NEGR1: variants seen among roughly 807,000 people sequenced by gnomAD.
The protein encoded by NEGR1 is neuronal growth regulator 1.
NEGR1 carries 10 observed loss-of-function variants against 40.9 expected under a neutral mutation model. The observed-to-expected ratio is 0.24, with a 90% CI of 0.15 to 0.42. The LOEUF is 0.42. Among genes scored for constraint, NEGR1 ranks in the 10% least tolerant of loss-of-function variants. The pLI is 1.00. For missense variants in NEGR1, 352 were observed against 438.9 expected (o/e 0.80, Z 1.77); for synonymous variants, 185 against 166.8 (o/e 1.11, Z -0.84).
chr1:71,833,487 T>G (rs892531934), intron 2 of NEGR1, among the ~76,000 whole-genome samples: 2 of 151,182 alleles, frequency 1.3e-5, no homozygotes, highest in Non-Finnish European at 2.9e-5. Flanking sequence ...AGAATCTTTC[T>G]GGGGGGAAAA....
intron 1 of NEGR1, among the ~76,000 whole-genome samples, chr1:72,225,489 A>G (rs1360465815): frequency 6.6e-6 from 1 of 151,702 alleles, no homozygotes; most frequent in Non-Finnish European, 1.5e-5. Context: ...AAAAGGAATA[A>G]TGATTTTATG....
At chr1:71,913,833 A>G (rs902379456) in intron 2 of NEGR1, among the ~76,000 whole-genome samples, 2 of 150,104 alleles carry the variant, frequency 1.3e-5, no homozygotes, top group African/African-American at 4.9e-5. Flanking sequence ...TAGTAACACA[A>G]AGTGTTTCCT....
intron 6 of NEGR1, 96 bp downstream of exon 6, chr1:71,592,721 T>G: frequency 1.0e-6 from 1 of 955,826 alleles, no homozygotes; most frequent in South Asian, 1.9e-5. Flanking sequence ...AGGTTGAGTT[T>G]TAAAATGAAC....
At chr1:71,964,867 G>A (rs1398762745) in intron 1 of NEGR1, among the ~76,000 whole-genome samples, 1 of 151,916 alleles carries the variant, frequency 6.6e-6, no homozygotes, top group Admixed American at 6.6e-5. Flanking sequence ...AGGGTTATGG[G>A]TTTGGGAAAG....
chr1:71,618,069 AT>A (rs1220247341), intron 4 of NEGR1, among the ~76,000 whole-genome samples: 2 of 152,166 alleles, frequency 1.3e-5, no homozygotes, highest in Non-Finnish European at 2.9e-5. Context: ...CCAAACTGGA[AT>A]TATGGGGGCG....
chr1:72,078,126 T>G (rs992916060), intron 1 of NEGR1, among the ~76,000 whole-genome samples: 1 of 152,168 alleles, frequency 6.6e-6, no homozygotes, highest in Non-Finnish European at 1.5e-5. Flanking sequence ...TGGTTTTTCA[T>G]CCATAATCAA....
At chr1:72,003,462 G>C (rs1445852316) in intron 1 of NEGR1, among the ~76,000 whole-genome samples, 1 of 151,908 alleles carries the variant, frequency 6.6e-6, no homozygotes, top group East Asian at 1.9e-4. Flanking sequence ...CAAGACATAG[G>C]TGCAGGATGG....
chr1:71,520,138 C>G (rs534035937), intron 6 of NEGR1, among the ~76,000 whole-genome samples: 1 of 152,018 alleles, frequency 6.6e-6, no homozygotes, highest in Non-Finnish European at 1.5e-5. Flanking sequence ...TCTGACCATA[C>G]TTATTAGCTC....
intron 2 of NEGR1, among the ~76,000 whole-genome samples, chr1:71,878,971 T>C (rs938653680): frequency 8.6e-5 from 13 of 151,962 alleles, no homozygotes; most frequent in African/African-American, 2.7e-4. Context: ...CCGTCTCTAC[T>C]AAAAATATAA....
At chr1:72,170,939 C>T (rs1360970168) in intron 1 of NEGR1, among the ~76,000 whole-genome samples, 2 of 152,096 alleles carry the variant, frequency 1.3e-5, no homozygotes, top group Non-Finnish European at 2.9e-5. Context: ...TGGGCTTTGA[C>T]CTTCATAAAT....
At chr1:71,824,338 T>A (rs1169658563) in intron 2 of NEGR1, among the ~76,000 whole-genome samples, 1 of 150,850 alleles carries the variant, frequency 6.6e-6, no homozygotes, top group African/African-American at 2.4e-5. Context: ...AAATACATTG[T>A]GAAGGAGAGA....
chr1:71,859,694 A>T (rs1195798283), intron 2 of NEGR1, among the ~76,000 whole-genome samples: 2 of 151,958 alleles, frequency 1.3e-5, no homozygotes, highest in Non-Finnish European at 2.9e-5. Flanking sequence ...CATTTTACTT[A>T]TTTTACCTCC....
intron 2 of NEGR1, among the ~76,000 whole-genome samples, chr1:71,843,482 T>G (rs1203565792): frequency 2.0e-5 from 3 of 152,166 alleles, no homozygotes; most frequent in Non-Finnish European, 4.4e-5. Context: ...ACGTGCTGAC[T>G]GAGACAAGTC....
chr1:72,057,463 G>A (rs1647122345), intron 1 of NEGR1, among the ~76,000 whole-genome samples: 2 of 151,430 alleles, frequency 1.3e-5, no homozygotes, highest in South Asian at 4.2e-4. Flanking sequence ...ATAGCCCTAT[G>A]ATTCAATTAA....
intron 2 of NEGR1, among the ~76,000 whole-genome samples, chr1:71,784,178 G>T (rs1459798): frequency 2.7e-4 from 41 of 152,178 alleles, no homozygotes; most frequent in African/African-American, 9.9e-4. Context: ...TGAGTTTTTC[G>T]TGATTCTGGG....
intron 3 of NEGR1, among the ~76,000 whole-genome samples, chr1:71,745,201 C>T (rs1288090410): frequency 1.3e-5 from 2 of 152,150 alleles, no homozygotes; most frequent in Non-Finnish European, 2.9e-5. Flanking sequence ...TTTGTGCCTA[C>T]TGCTGTATCG....
chr1:71,448,181 G>A (rs1178449730), intron 6 of NEGR1, among the ~76,000 whole-genome samples: 1 of 151,612 alleles, frequency 6.6e-6, no homozygotes, highest in African/African-American at 2.4e-5. Context: ...GGATAGAAAT[G>A]AGGCTGAACG....
At chr1:71,943,550 CCATGCCAAACAATTTTTA>C (rs1645991530) in intron 1 of NEGR1, among the ~76,000 whole-genome samples, 1 of 151,818 alleles carries the variant, frequency 6.6e-6, no homozygotes. Context: ...TTAGGAGGGG[CCATGCCAAACAATTTTTA>C]CATGTAAAGG....
At chr1:72,232,409 A>G (rs184848222) in intron 1 of NEGR1, among the ~76,000 whole-genome samples, 35 of 152,010 alleles carry the variant, frequency 2.3e-4, no homozygotes, top group African/African-American at 8.0e-4. Context: ...AATCAAGCAT[A>G]CAAACCAAGT....
Sources: allele counts gnomAD v4.1 joint callset (sites outside exome capture counted in the v4.1 genomes callset), GRCh38; gene constraint gnomAD v4.1.1; transcripts MANE v1.5; gene names NCBI Gene and HGNC (gene_info 2026-07-23, HGNC 2026-07-21).